The following ZCCHC14 variants were observed in gnomAD, a reference collection of about 807,000 sequenced individuals.
ZCCHC14 encodes the protein zinc finger CCHC domain-containing protein 14.
ZCCHC14 carries 16 observed loss-of-function variants against 85.0 expected under a neutral mutation model. The observed-to-expected ratio is 0.19, with a 90% CI of 0.13 to 0.29. ZCCHC14 has a LOEUF of 0.29. ZCCHC14 is among the 10% of genes least tolerant of loss of function. ZCCHC14 has a pLI of 1.00. For missense variants in ZCCHC14, 1,303 were observed against 1,443.5 expected (o/e 0.90, Z 1.58); for synonymous variants, 775 against 630.7 (o/e 1.23, Z -3.43).
chr16:87,451,091 G>T (rs1376332421), intron 2 of ZCCHC14, among the ~76,000 whole-genome samples: 1 of 150,020 alleles, frequency 6.7e-6, no homozygotes, highest in Non-Finnish European at 1.5e-5. Context: ...GTAGAAATGG[G>T]CTTTCACCAC....
rs1447903879 is a variant in ZCCHC14 at position 87,420,668 on chromosome 16, A to G, written c.889T>C (p.Leu297=). 2.5e-6 allele frequency: 4 copies of G among 1,613,978 alleles called. No homozygotes were observed. The highest frequency in any genetic ancestry group is 1.7e-6 in the Non-Finnish European group (2 of 1,179,914). ...ACATAAAATGCGTCCGGACCAGCTA[A>G]GCAAGGAATGAGTTTCTCCAAGTTC... ...EENLEKLIPC[L]AGPDAFYVER... Residue 297 remains leucine (L), a synonymous_variant, in exon 5 of 13, where the codon TTA becomes CTA. Coordinates refer to ENST00000671377, the MANE Select transcript of ZCCHC14 (RefSeq NM_015144.3). The surrounding 1 kb of genome is among the most constrained non-coding windows in gnomAD (Gnocchi z 5.0).
chr16:87,470,799 G>A (rs1248799091), intron 1 of ZCCHC14: 2 of 152,228 alleles, frequency 1.3e-5, no homozygotes, highest in East Asian at 3.8e-4. Flanking sequence ...TACATCAGTT[G>A]TGTGCAAACA....
chr16:87,458,049 A>G (rs1911060875), intron 2 of ZCCHC14, among the ~76,000 whole-genome samples: 1 of 151,992 alleles, frequency 6.6e-6, no homozygotes, highest in Non-Finnish European at 1.5e-5. Context: ...TCTGGGCACC[A>G]AAGCATGCAG....
chr16:87,481,944 G>C (rs914157816), intron 1 of ZCCHC14, among the ~76,000 whole-genome samples: 9 of 152,190 alleles, frequency 5.9e-5, no homozygotes, highest in Admixed American at 2.6e-4. Flanking sequence ...ACATCCCATG[G>C]TGGAAGGCAG....
intron 1 of ZCCHC14, among the ~76,000 whole-genome samples, chr16:87,486,764 A>C (rs1337159085): frequency 6.6e-6 from 1 of 152,248 alleles, no homozygotes; most frequent in Non-Finnish European, 1.5e-5. Context: ...GTATACAAAG[A>C]CAGCCAGAAG....
intron 2 of ZCCHC14, among the ~76,000 whole-genome samples, chr16:87,453,470 G>A (rs1203623416): frequency 1.3e-5 from 2 of 152,244 alleles, no homozygotes; most frequent in Admixed American, 6.5e-5. Flanking sequence ...CCAGCCCTGG[G>A]AAGAGGGGAT....
At chr16:87,436,324 C>T (rs1049771156) in intron 2 of ZCCHC14, among the ~76,000 whole-genome samples, 11 of 152,384 alleles carry the variant, frequency 7.2e-5, no homozygotes, top group Admixed American at 7.2e-4. Flanking sequence ...GTGGCGGCCC[C>T]CCGCCAGGGC....
At chr16:87,459,563 G>A (rs1022401779) in intron 2 of ZCCHC14, among the ~76,000 whole-genome samples, 12 of 150,674 alleles carry the variant, frequency 8.0e-5, no homozygotes, top group Non-Finnish European at 1.6e-4. Context: ...AGGCTGGAGT[G>A]CAATGGCGTG....
intron 1 of ZCCHC14, among the ~76,000 whole-genome samples, chr16:87,466,401 G>C (rs1410627824): frequency 6.6e-6 from 1 of 152,220 alleles, no homozygotes; most frequent in African/African-American, 2.4e-5. Flanking sequence ...GCACCCCACT[G>C]GTGGGCATTT....
chr16:87,430,847 A>G (rs1463385506), intron 3 of ZCCHC14, among the ~76,000 whole-genome samples: 2 of 152,112 alleles, frequency 1.3e-5, no homozygotes, highest in Non-Finnish European at 2.9e-5. Context: ...CTTGATTTCT[A>G]AAATAGAAAA....
In ZCCHC14 at chr16:87,477,135, AAAAAAACAAAAC is replaced by A. The variant is rs1201123214; in HGVS notation, c.570+14522_570+14533del. ...GACTCAGTCTCAAAAAAAAAAAAAA[AAAAAAACAAAAC>A]AAAACCAAAAAAAAATTGAAGTGGT... On this transcript the variant is annotated intron_variant, in intron 1 of 12. Coordinates refer to ENST00000671377, the MANE Select transcript of ZCCHC14 (RefSeq NM_015144.3). Among the ~76,000 whole-genome samples, 13 of 143,188 alleles carry A rather than the reference AAAAAAACAAAAC, an allele frequency of 9.1e-5. 1 individual carries two copies. The highest frequency in any genetic ancestry group is 3.4e-4 in the African/African-American group (12 of 34,924). 93.9% of individuals were successfully genotyped at this position (143,188 alleles called of 152,430 possible).
At chr16:87,474,924 T>C (rs778250249) in intron 1 of ZCCHC14, among the ~76,000 whole-genome samples, 12 of 152,188 alleles carry the variant, frequency 7.9e-5, no homozygotes, top group Non-Finnish European at 1.8e-4. Flanking sequence ...AGGAAGAGTA[T>C]CTGGAGTTTG....
Position 87,413,302 on chromosome 16 carries a change from G to A in ZCCHC14, c.1604-107C>T, listed in dbSNP as rs529518527. On this transcript the variant is annotated intron_variant, in intron 10 of 12. Transcript: ENST00000671377. ...CGGCAGGTGCTCCTTCCAGGGAAACGCAGGGCTCTGAGAGTCAGAAAACGA... is the reference window on the plus strand; with the variant it reads ...CGGCAGGTGCTCCTTCCAGGGAAACACAGGGCTCTGAGAGTCAGAAAACGA... 8.4e-5 allele frequency: 118 copies of A among 1,406,108 alleles called. No individual in the cohort carries two copies. In the South Asian group the frequency reaches 8.7e-4, roughly 10 times the overall value. 87.1% of individuals were successfully genotyped at this position (1,406,108 alleles called of 1,614,324 possible). A position where few individuals can be genotyped will look rare whatever the true frequency, so the allele number is the denominator to read the frequency against.
At chr16:87,418,685 T>A (rs996748163) in intron 7 of ZCCHC14, among the ~76,000 whole-genome samples, 162 bp downstream of exon 7, 1 of 152,210 alleles carries the variant, frequency 6.6e-6, no homozygotes, top group East Asian at 1.9e-4. Flanking sequence ...AACTCTTTTT[T>A]TGGAAATCGT....
chr16:87,481,526 C>CGGGGG (rs1315025919), intron 1 of ZCCHC14, among the ~76,000 whole-genome samples: 1 of 2,432 alleles, frequency 4.1e-4, no homozygotes, highest in Non-Finnish European at 8.0e-4. Context: ...GGGAGAGAAA[C>CGGGGG]GGGGGGGGGG....
chr16:87,417,777 T>G, intron 7 of ZCCHC14, 35 bp from the exon 8 acceptor site: 1 of 1,530,120 alleles, frequency 6.5e-7, no homozygotes. Flanking sequence ...ACAGAGAGAC[T>G]GTGGCTTCCA....
At chr16:87,480,712 T>C (rs537441551) in intron 1 of ZCCHC14, among the ~76,000 whole-genome samples, 1 of 152,246 alleles carries the variant, frequency 6.6e-6, no homozygotes, top group Non-Finnish European at 1.5e-5. Flanking sequence ...GCTCTAGTGA[T>C]TTAAAAAGTC....
rs531064233 is a variant in ZCCHC14 at position 87,423,727 on chromosome 16, G to C, written c.840+83C>G. The C allele has an allele frequency of 7.1e-5, 106 of 1,486,976 alleles. 1 individual carries two copies. The East Asian group carries it at 2.4e-3, about 33-fold the overall frequency. 92.1% of individuals were successfully genotyped at this position (1,486,976 alleles called of 1,614,324 possible). The stretch of plus-strand genomic sequence containing the variant: ...GCTCACTCGCTAGCTGAAGGGAGTG[G>C]CCTCTGAAATTACTCCGTGGTATCA... On this transcript the variant is annotated intron_variant, in intron 4 of 12. Transcript: ENST00000671377.
chr16:87,414,663 G>C, intron 9 of ZCCHC14, 122 bp from the exon 10 acceptor site: 1 of 1,352,428 alleles, frequency 7.4e-7, no homozygotes, highest in Non-Finnish European at 9.9e-7. Flanking sequence ...ACTTCGAGAT[G>C]GGTCTACTCC....
Sources: gnomAD v4.1 joint callset for allele counts (sites outside exome capture counted in the v4.1 genomes callset) on GRCh38, gnomAD v4.1.1 for gene constraint, Gnocchi (gnomAD v3.1) non-coding constraint, MANE v1.5 for transcripts, NCBI Gene and HGNC (gene_info 2026-07-23, HGNC 2026-07-21) for gene names.